Variants in PRKN observed in about 807,000 individuals in gnomAD.
The protein encoded by PRKN is parkin RBR E3 ubiquitin protein ligase.
Under a neutral mutation model 59.5 loss-of-function variants are expected in PRKN, and 56 were observed. The observed-to-expected ratio is 0.94, with a 90% confidence interval of 0.76 to 1.18. The LOEUF is 1.18. Among genes scored for constraint, PRKN ranks in the 50% most tolerant of loss-of-function variants. The probability of loss-of-function intolerance (pLI) is 0.00; values close to 1 mark genes in which losing one functional copy is unlikely to be tolerated. For synonymous variants in PRKN, 250 were observed against 222.1 expected (o/e 1.13, Z -1.12); for missense variants, 657 against 596.4 (o/e 1.10, Z -1.06).
intron 9 of PRKN, among the ~76,000 whole-genome samples, chr6:161,492,775 C>G (rs1777607957): frequency 6.6e-6 from 1 of 152,070 alleles, no homozygotes; most frequent in South Asian, 2.1e-4. Context: ...TATAATTTCA[C>G]AAAAGAAAAA....
intron 7 of PRKN, among the ~76,000 whole-genome samples, chr6:161,747,439 A>G (rs1788479792): frequency 6.6e-6 from 1 of 152,052 alleles, no homozygotes; most frequent in Non-Finnish European, 1.5e-5. Flanking sequence ...TTTTAAACAA[A>G]TTGCAGAGAA....
At chr6:162,344,136 T>C (rs1194455841) in intron 2 of PRKN, among the ~76,000 whole-genome samples, 2 of 152,200 alleles carry the variant, frequency 1.3e-5, no homozygotes, top group Non-Finnish European at 2.9e-5. Flanking sequence ...ATCCACAAAC[T>C]GCAGTGTATA....
At chr6:162,257,973 C>T (rs568222738) in intron 3 of PRKN, among the ~76,000 whole-genome samples, 3 of 152,126 alleles carry the variant, frequency 2.0e-5, no homozygotes, top group African/African-American at 2.4e-5. Context: ...TCCTCTTCTC[C>T]GAGCTCCACC....
chr6:161,844,776 C>G (rs1793131057), intron 6 of PRKN, among the ~76,000 whole-genome samples: 1 of 152,192 alleles, frequency 6.6e-6, no homozygotes, highest in Non-Finnish European at 1.5e-5. Flanking sequence ...CCCTCCACCC[C>G]CACCCCGGAA....
Position 161,578,251 on chromosome 6 carries a change from C to T in PRKN, c.872-8835G>A, listed in dbSNP as rs1781208517. Among the ~76,000 whole-genome samples, 1 of 152,234 alleles carries T rather than the reference C, an allele frequency of 6.6e-6. No individual in the cohort carries two copies. The highest frequency in any genetic ancestry group is 1.5e-5 in the Non-Finnish European group (1 of 68,048). ...AGAATTGAAAGCACCTGCATACACA[C>T]AGCCTACCTACTGGGGCTGAGAACT... On this transcript the variant is annotated intron_variant, in intron 7 of 11. Transcript: ENST00000366898. The surrounding 1 kb of genome is among the most constrained non-coding windows in gnomAD (Gnocchi z 4.2).
chr6:162,098,953 G>T (rs530897262), intron 4 of PRKN, among the ~76,000 whole-genome samples: 7 of 152,222 alleles, frequency 4.6e-5, no homozygotes, highest in African/African-American at 1.7e-4. Flanking sequence ...TACAAAATCT[G>T]GAGTCCGTTA....
intron 6 of PRKN, among the ~76,000 whole-genome samples, chr6:161,833,604 C>T (rs1792607769): frequency 6.6e-6 from 1 of 152,154 alleles, no homozygotes; most frequent in Admixed American, 6.5e-5. Context: ...CCGTCTCCCA[C>T]AGACTCCCCT....
intron 10 of PRKN, among the ~76,000 whole-genome samples, chr6:161,375,886 C>T (rs950825046): frequency 2.0e-5 from 3 of 152,188 alleles, no homozygotes; most frequent in Non-Finnish European, 4.4e-5. Flanking sequence ...TCCACTTAGG[C>T]GGCGGGTCCA....
At chr6:162,337,783 G>A (rs1202707074) in intron 2 of PRKN, among the ~76,000 whole-genome samples, 1 of 152,066 alleles carries the variant, frequency 6.6e-6, no homozygotes, top group Admixed American at 6.6e-5. Context: ...AGAAAACCAG[G>A]AAAAATGAAA....
chr6:162,037,064 G>A (rs1042058455), intron 5 of PRKN, among the ~76,000 whole-genome samples: 1 of 152,100 alleles, frequency 6.6e-6, no homozygotes, highest in South Asian at 2.1e-4. Flanking sequence ...GGGGAAAGTG[G>A]AAATTGATGG....
chr6:162,652,618 T>C (rs1255512364), intron 1 of PRKN, among the ~76,000 whole-genome samples: 1 of 152,128 alleles, frequency 6.6e-6, no homozygotes, highest in Non-Finnish European at 1.5e-5. Flanking sequence ...TTATTATTTA[T>C]GGTTTCTACC....
chr6:161,830,314 C>T (rs1250143137), intron 6 of PRKN, among the ~76,000 whole-genome samples: 9 of 151,344 alleles, frequency 5.9e-5, no homozygotes, highest in Admixed American at 1.3e-4. Flanking sequence ...TGCGGTGGCG[C>T]GATCTTGGCT....
rs1677443268 is a variant in PRKN at position 162,384,317 on chromosome 6, A to G, written c.171+58993T>C. On this transcript the variant is annotated intron_variant, in intron 2 of 11. Coordinates refer to ENST00000366898, the MANE Select transcript of PRKN (RefSeq NM_004562.3). Reference sequence around the variant, plus strand: ...CACTTGAATGCTCAGAGGCCACTGTAGGATTATTAGCTGGCCTGATTTCAA... The same window carrying G: ...CACTTGAATGCTCAGAGGCCACTGTGGGATTATTAGCTGGCCTGATTTCAA... Among the ~76,000 whole-genome samples the G allele has an allele frequency of 2.0e-5, 3 of 152,180 alleles. No homozygotes were observed. In the South Asian group the frequency reaches 6.2e-4, roughly 32 times the overall value.
Position 161,785,851 on chromosome 6 carries a change from G to A in PRKN, c.792C>T (p.Phe264=). 6.2e-7 allele frequency: 1 copy of A among 1,614,158 alleles called. No individual in the cohort carries two copies. Among genetic ancestry groups the A allele is most frequent in the South Asian group, 1.1e-5 (1 of 91,088 alleles). The change falls in exon 7 of 12, where the codon TTC becomes TTT. Residue 264 remains phenylalanine (F), a synonymous_variant. Coordinates refer to ENST00000366898, the MANE Select transcript of PRKN (RefSeq NM_004562.3). ...TGAGTCTTGTCACACAGTATAAGTG[G>A]AAACAGTCTAAGCAAATCACGTGGC... ...NSRHVICLDC[F]HLYCVTRLND... is the part of the protein sequence containing the mutation.
At chr6:162,437,487 A>C (rs771232276) in intron 2 of PRKN, among the ~76,000 whole-genome samples, 1 of 152,128 alleles carries the variant, frequency 6.6e-6, no homozygotes, top group Admixed American at 6.6e-5. Context: ...AGACGTTATA[A>C]TTGTACTATA....
rs1202428403 is a variant in PRKN, at chr6:161,575,124, T to C, written c.872-5708A>G. On this transcript the variant is annotated intron_variant, in intron 7 of 11. Coordinates refer to ENST00000366898, the MANE Select transcript of PRKN (RefSeq NM_004562.3). The surrounding 1 kb of genome is among the most constrained non-coding windows in gnomAD (Gnocchi z 4.6). ...GTGTTTTCTAAAAATCTGAGCTCAT[T>C]GGTGTTCAATGAATACCAGCTTTTT... is the stretch of plus-strand genomic sequence containing the variant. Among the ~76,000 whole-genome samples the C allele has an allele frequency of 1.3e-5, 2 of 152,164 alleles. No homozygotes were observed. Among genetic ancestry groups the C allele is most frequent in the African/African-American group, 2.4e-5 (1 of 41,428 alleles).
intron 7 of PRKN, among the ~76,000 whole-genome samples, chr6:161,784,874 T>A (rs1198856310): frequency 6.6e-6 from 1 of 152,146 alleles, no homozygotes; most frequent in Non-Finnish European, 1.5e-5. Flanking sequence ...CATCAGCAGA[T>A]GAATGGACAC....
intron 2 of PRKN, among the ~76,000 whole-genome samples, chr6:162,364,066 G>T (rs1785291297): frequency 6.6e-6 from 1 of 152,176 alleles, no homozygotes; most frequent in Admixed American, 6.5e-5. Context: ...CTTTGCCTTT[G>T]GCCCCAAGAC....
At chr6:161,844,860 G>A (rs202080077) in intron 6 of PRKN, among the ~76,000 whole-genome samples, 19 of 152,340 alleles carry the variant, frequency 1.2e-4, no homozygotes, top group East Asian at 9.7e-4. Context: ...TGGAGTTGGC[G>A]TATGTGTTCT....
Sources: allele counts gnomAD v4.1 joint callset (sites outside exome capture counted in the v4.1 genomes callset), GRCh38; gene constraint gnomAD v4.1.1; non-coding constraint Gnocchi (gnomAD v3.1); transcripts MANE v1.5; gene names NCBI Gene and HGNC (gene_info 2026-07-23, HGNC 2026-07-21).